The following HS3ST4 variants were observed in gnomAD, a reference collection of about 807,000 sequenced individuals.
HS3ST4 encodes the protein heparan sulfate-glucosamine 3-sulfotransferase 4.
In HS3ST4, 17 loss-of-function variants were observed where a neutral mutation model predicts 29.2. The observed-to-expected ratio is 0.58, with a 90% CI of 0.40 to 0.87. The LOEUF (loss-of-function observed/expected upper bound fraction) is 0.87, where lower values mean the gene tolerates loss of function less well. HS3ST4 is among the 40% of genes least tolerant of loss of function. The pLI, the probability that HS3ST4 is intolerant of heterozygous loss-of-function variation, is 0.00. For synonymous variants in HS3ST4, 314 were observed against 285.7 expected (o/e 1.10, Z -1.00); for missense variants, 627 against 634.5 (o/e 0.99, Z 0.13).
At chr16:25,869,180 A>G (rs1291251878) in intron 1 of HS3ST4, among the ~76,000 whole-genome samples, 2 of 152,114 alleles carry the variant, frequency 1.3e-5, no homozygotes, top group African/African-American at 4.8e-5. Context: ...CATCCAAGTC[A>G]TAGCCTCAGG....
At chr16:26,065,905 A>C (rs1277504638) in intron 1 of HS3ST4, among the ~76,000 whole-genome samples, 1 of 152,252 alleles carries the variant, frequency 6.6e-6, no homozygotes, top group Non-Finnish European at 1.5e-5. Context: ...AAAACCTTGC[A>C]CTGGCTTCTT....
chr16:26,100,095 T>C (rs1017109787), intron 1 of HS3ST4, among the ~76,000 whole-genome samples: 2 of 152,056 alleles, frequency 1.3e-5, no homozygotes, highest in African/African-American at 4.8e-5. Context: ...GTGAATGTGA[T>C]GGACATACAG....
Position 25,857,534 on chromosome 16 carries a change from A to G in HS3ST4, c.734+164383A>G, listed in dbSNP as rs542481644. On this transcript the variant is annotated intron_variant, in intron 1 of 1. Transcript: ENST00000331351. ...TAGTTTGCTTCTGTGTCCCTAAGTG[A>G]GACGAGGCTGTAGTTTTTTACTGGG... Among the ~76,000 whole-genome samples the G allele has an allele frequency of 8.5e-5, 13 of 152,266 alleles. No homozygotes were observed. In the South Asian group the frequency reaches 2.7e-3, roughly 32 times the overall value.
chr16:26,033,678 C>T (rs1327660091), intron 1 of HS3ST4, among the ~76,000 whole-genome samples: 2 of 151,930 alleles, frequency 1.3e-5, no homozygotes, highest in Non-Finnish European at 2.9e-5. Flanking sequence ...GCCATGATCA[C>T]ACCACTGCGC....
intron 1 of HS3ST4, among the ~76,000 whole-genome samples, chr16:25,697,730 C>T (rs1361581395): frequency 6.6e-6 from 1 of 152,022 alleles, no homozygotes; most frequent in African/African-American, 2.4e-5. Flanking sequence ...CGGGGTCTCG[C>T]TCTGTTGCCA....
At chr16:25,977,000 A>G (rs1202102356) in intron 1 of HS3ST4, among the ~76,000 whole-genome samples, 1 of 152,186 alleles carries the variant, frequency 6.6e-6, no homozygotes, top group Non-Finnish European at 1.5e-5. Flanking sequence ...CTGAGTCCAC[A>G]GGTAGGATTT....
At chr16:25,768,113 G>A (rs1401502792) in intron 1 of HS3ST4, among the ~76,000 whole-genome samples, 3 of 152,160 alleles carry the variant, frequency 2.0e-5, no homozygotes, top group African/African-American at 7.2e-5. Context: ...AACATCACAT[G>A]TCTGGGGCGG....
chr16:25,990,806 A>C (rs1427648206), intron 1 of HS3ST4, among the ~76,000 whole-genome samples: 1 of 152,202 alleles, frequency 6.6e-6, no homozygotes, highest in Non-Finnish European at 1.5e-5. Flanking sequence ...GGTCAATTTT[A>C]AAAAAATGAT....
chr16:25,988,008 A>G (rs1301087442), intron 1 of HS3ST4, among the ~76,000 whole-genome samples: 2 of 152,050 alleles, frequency 1.3e-5, no homozygotes, highest in East Asian at 3.9e-4. Context: ...TGACCTTGTG[A>G]TCCACCCGCC....
chr16:25,909,431 C>A (rs1459583034), intron 1 of HS3ST4, among the ~76,000 whole-genome samples: 2 of 152,110 alleles, frequency 1.3e-5, no homozygotes, highest in Non-Finnish European at 2.9e-5. Flanking sequence ...ATGCCCCAGG[C>A]CTTCCAAAGT....
chr16:25,890,011 C>T (rs940739523), intron 1 of HS3ST4, among the ~76,000 whole-genome samples: 18 of 152,168 alleles, frequency 1.2e-4, no homozygotes, highest in African/African-American at 4.1e-4. Context: ...GTCCATTCAA[C>T]CTCTTTCTTT....
intron 1 of HS3ST4, among the ~76,000 whole-genome samples, chr16:25,984,577 C>T: frequency 6.6e-6 from 1 of 152,320 alleles, no homozygotes; most frequent in Non-Finnish European, 1.5e-5. Context: ...CCTCCTTGCC[C>T]TTCCATCCTC....
chr16:26,015,127 C>A (rs1745805081), intron 1 of HS3ST4, among the ~76,000 whole-genome samples: 1 of 152,174 alleles, frequency 6.6e-6, no homozygotes. Context: ...GCTGCCAAGT[C>A]GACCTAAGAC....
chr16:25,962,307 A>G (rs572293425), intron 1 of HS3ST4, among the ~76,000 whole-genome samples: 2 of 152,344 alleles, frequency 1.3e-5, no homozygotes, highest in East Asian at 3.9e-4. Flanking sequence ...AGAGCCACAG[A>G]AAGTATGAGC....
intron 1 of HS3ST4, among the ~76,000 whole-genome samples, chr16:25,881,881 T>TA (rs5816331): frequency 2.0e-4 from 30 of 152,146 alleles, no homozygotes; most frequent in African/African-American, 6.3e-4. Context: ...TTATTAAAAA[T>TA]AAAAAAAGCT....
chr16:26,100,701 C>G (rs1482697943), intron 1 of HS3ST4, among the ~76,000 whole-genome samples: 1 of 152,166 alleles, frequency 6.6e-6, no homozygotes, highest in Non-Finnish European at 1.5e-5. Flanking sequence ...CCTCACAAAT[C>G]TCCCCCAACC....
intron 1 of HS3ST4, among the ~76,000 whole-genome samples, chr16:25,986,366 A>G (rs1424886849): frequency 6.6e-6 from 1 of 152,036 alleles, no homozygotes; most frequent in Admixed American, 6.6e-5. Flanking sequence ...CTTTCTTGTT[A>G]CCCCCACTTT....
chr16:26,056,941 G>T (rs1898415904), intron 1 of HS3ST4, among the ~76,000 whole-genome samples: 1 of 152,072 alleles, frequency 6.6e-6, no homozygotes, highest in Admixed American at 6.5e-5. Context: ...ACATTATATT[G>T]TCATATTTAA....
intron 1 of HS3ST4, among the ~76,000 whole-genome samples, chr16:26,074,792 T>C (rs1293598347): frequency 6.6e-6 from 1 of 152,204 alleles, no homozygotes; most frequent in Admixed American, 6.5e-5. Flanking sequence ...GTAACTACCA[T>C]GTTCTCTATA....
Sources: gnomAD v4.1 joint callset for allele counts (sites outside exome capture counted in the v4.1 genomes callset) on GRCh38, gnomAD v4.1.1 for gene constraint, MANE v1.5 for transcripts, NCBI Gene and HGNC (gene_info 2026-07-23, HGNC 2026-07-21) for gene names.